ZNF425: variants seen among roughly 807,000 people sequenced by gnomAD.
ZNF425 encodes the protein zinc finger protein 425.
Under a neutral mutation model 17.0 loss-of-function variants are expected in ZNF425, and 21 were observed. That is an observed-to-expected ratio of 1.23 (90% confidence interval 0.88 to 1.78). The LOEUF (loss-of-function observed/expected upper bound fraction) is 1.78. Ranked by LOEUF, ZNF425 falls within the 40% of genes most tolerant of loss-of-function variation. ZNF425 has a pLI of 0.00. For synonymous variants in ZNF425, 433 were observed against 384.1 expected, an observed-to-expected ratio of 1.13 and a Z score of -1.49; for missense variants, 868 against 967.3, an observed-to-expected ratio of 0.90 and a Z score of 1.36.
At chr7:149,123,827 C>G (rs1422205330) in intron 1 of ZNF425, among the ~76,000 whole-genome samples, 1 of 146,986 alleles carries the variant, frequency 6.8e-6, no homozygotes, top group Non-Finnish European at 1.5e-5. Context: ...CCACTGCGCC[C>G]GGACTTGCTT....
At chr7:149,114,612 C>T (rs115305753) in intron 2 of ZNF425, among the ~76,000 whole-genome samples, 6,844 of 151,194 alleles carry the variant, frequency 0.045, 519 homozygotes, top group African/African-American at 0.16. Context: ...TTGGCCAGGC[C>T]GGTCTCGAAT....
intron 3 of ZNF425, among the ~76,000 whole-genome samples, chr7:149,107,377 G>A (rs1005105063): frequency 1.3e-5 from 2 of 149,016 alleles, no homozygotes; most frequent in South Asian, 2.1e-4. Flanking sequence ...TAGCTCTGTC[G>A]CCCAGGCTGG....
chr7:149,107,341 A>AT (rs1318108441), intron 3 of ZNF425, among the ~76,000 whole-genome samples: 98 of 123,336 alleles, frequency 7.9e-4, no homozygotes, highest in African/African-American at 3.5e-3. Context: ...TTATTTATTT[A>AT]TTTATTTTTT....
At chr7:149,124,008 C>A (rs1235387759) in intron 1 of ZNF425, among the ~76,000 whole-genome samples, 2 of 150,888 alleles carry the variant, frequency 1.3e-5, no homozygotes, top group African/African-American at 4.9e-5. Flanking sequence ...CCACCACACC[C>A]GGCTAATTTT....
intron 2 of ZNF425, among the ~76,000 whole-genome samples, chr7:149,115,082 G>A (rs1826240115): frequency 6.8e-6 from 1 of 146,224 alleles, no homozygotes; most frequent in Non-Finnish European, 1.5e-5. Context: ...TTACAGACGT[G>A]TGCCACCACG....
intron 2 of ZNF425, among the ~76,000 whole-genome samples, chr7:149,117,797 C>G (rs921700073): frequency 1.3e-5 from 2 of 151,858 alleles, no homozygotes; most frequent in Non-Finnish European, 2.9e-5. Context: ...GGATTACAGG[C>G]ATGCACCAAC....
chr7:149,103,724 T>G lies in ZNF425; in HGVS notation c.2147A>C (p.His716Pro), dbSNP rs140499692. The G allele has an allele frequency of 1.2e-4, 196 of 1,614,070 alleles. 1 individual carries two copies. In the Admixed American group the frequency reaches 1.7e-3, roughly 14 times the overall value. The change falls in exon 4 of 4, where the codon CAC (histidine) becomes CCC (proline). Residue 716 changes from histidine (H) to proline (P), a missense_variant. By Grantham distance (77) the His-to-Pro change is moderately conservative (BLOSUM62 -2). Coordinates refer to ENST00000378061, the MANE Select transcript of ZNF425 (RefSeq NM_001001661.3). ...KRSLKAHLCL[H>P]SGERPFSCDE... Reference sequence around the variant, plus strand: ...ACAAGAAAAAGGCCTCTCCCCACTGTGAAGGCACAGATGGGCCTTCAGGCT... The same window carrying G: ...ACAAGAAAAAGGCCTCTCCCCACTGGGAAGGCACAGATGGGCCTTCAGGCT...
At chr7:149,120,875 G>A (rs1002634367) in intron 1 of ZNF425, among the ~76,000 whole-genome samples, 3 of 152,114 alleles carry the variant, frequency 2.0e-5, no homozygotes, top group African/African-American at 7.2e-5. Flanking sequence ...TTCACCTACT[G>A]AGAAATATTT....
intron 3 of ZNF425, among the ~76,000 whole-genome samples, chr7:149,108,749 G>A (rs1362454721): frequency 1.3e-5 from 2 of 152,072 alleles, no homozygotes; most frequent in South Asian, 2.1e-4. Flanking sequence ...AAAATTAGCC[G>A]GGCATGGTGG....
At chr7:149,124,753 C>G (rs1826427001) in intron 1 of ZNF425, among the ~76,000 whole-genome samples, 2 of 151,310 alleles carry the variant, frequency 1.3e-5, no homozygotes, top group South Asian at 2.1e-4. Flanking sequence ...GTTGGTCAGG[C>G]TGGTCTCGAA....
chr7:149,105,511 T>C lies in ZNF425; in HGVS notation c.360A>G (p.Gln120=). The change falls in exon 4 of 4, where the codon CAA becomes CAG. Residue 120 remains glutamine (Q), a synonymous_variant. Transcript: ENST00000378061. The stretch of plus-strand genomic sequence containing the variant: ...GTAAGGCAGCACACAAGTCCTGTTT[T>C]TGAGGACCATTTAAACGGCAATCCT... ...KEEDCRLNGP[Q]KQDLCAALRG... 1 of 1,517,988 alleles carries C rather than the reference T, an allele frequency of 6.6e-7. No individual in the cohort carries two copies. Among genetic ancestry groups the C allele is most frequent in the Non-Finnish European group, 8.8e-7 (1 of 1,136,622 alleles). The allele number at this position is 1,517,988 out of a possible 1,614,324, so 94.0% of individuals were successfully genotyped here.
chr7:149,106,406 G>C (rs1826082886), intron 3 of ZNF425, among the ~76,000 whole-genome samples: 1 of 150,516 alleles, frequency 6.6e-6, no homozygotes, highest in Non-Finnish European at 1.5e-5. Flanking sequence ...CCCAGCTAAT[G>C]TTTTGTATTT....
At chr7:149,110,432 T>G (rs200176840) in intron 3 of ZNF425, among the ~76,000 whole-genome samples, 1 of 151,438 alleles carries the variant, frequency 6.6e-6, no homozygotes, top group Non-Finnish European at 1.5e-5. Context: ...CAGGCGTGGT[T>G]GTGGGTGCCT....
Position 149,105,527 on chromosome 7 carries a change from C to A in ZNF425, c.344G>T (p.Arg115Leu). 2 of 1,515,632 alleles carry A rather than the reference C, an allele frequency of 1.3e-6. No homozygotes were observed. The highest frequency in any genetic ancestry group is 8.8e-7 in the Non-Finnish European group (1 of 1,135,770). 93.9% of individuals were successfully genotyped at this position (1,515,632 alleles called of 1,614,324 possible). A position where few individuals can be genotyped will look rare whatever the true frequency, so the allele number is the denominator to read the frequency against. The change falls in exon 4 of 4, where the codon CGT becomes CTT. Residue 115 changes from arginine (R) to leucine (L), a missense_variant. Arg to Leu is a moderately radical substitution (Grantham distance 102). Transcript: ENST00000378061. ...GTPRTKEEDC[R>L]LNGPQKQDLC... Reference sequence around the variant, plus strand: ...GTCCTGTTTTTGAGGACCATTTAAACGGCAATCCTCTTCTTTTGTCCTGGG... The same window carrying A: ...GTCCTGTTTTTGAGGACCATTTAAAAGGCAATCCTCTTCTTTTGTCCTGGG...
chr7:149,125,984 G>A lies in ZNF425; in HGVS notation c.18+212C>T, dbSNP rs1175020921. 3.7e-6 allele frequency: 4 copies of A among 1,077,500 alleles called. No homozygotes were observed. In the East Asian group the frequency reaches 1.0e-4, roughly 28 times the overall value. 66.7% of individuals were successfully genotyped at this position (1,077,500 alleles called of 1,614,324 possible). Reference sequence around the variant, plus strand: ...GCCACAGACGCGCGCGGCCAAGCCCGGCCAGACCAGCTTTTCCCCAGGTCA... The same window carrying A: ...GCCACAGACGCGCGCGGCCAAGCCCAGCCAGACCAGCTTTTCCCCAGGTCA... On this transcript the variant is annotated intron_variant, in intron 1 of 3. Transcript: ENST00000378061.
intron 1 of ZNF425, among the ~76,000 whole-genome samples, chr7:149,124,698 T>C (rs1158779911): frequency 1.3e-5 from 2 of 152,108 alleles, no homozygotes; most frequent in Admixed American, 6.6e-5. Flanking sequence ...TGCACCACCA[T>C]GCCAGGCTAA....
chr7:149,126,125 C>T lies in ZNF425; in HGVS notation c.18+71G>A, dbSNP rs963368837. 1.9e-6 allele frequency: 3 copies of T among 1,608,002 alleles called. No homozygotes were observed. In the African/African-American group the frequency reaches 4.0e-5, roughly 22 times the overall value. On this transcript the variant is annotated intron_variant, in intron 1 of 3. Transcript: ENST00000378061. ...CCCCGGCCGCCCCACTCCCTGGACG[C>T]GGACCCCAATCCAGCTGCGACAGGG...
Position 149,104,026 on chromosome 7 carries a change from G to A in ZNF425, c.1845C>T (p.Cys615=), listed in dbSNP as rs754295618. Reference sequence around the variant, plus strand: ...TTCCCTTGAGGCGGAAAGTCTTCTCGCATTCAGGACACTGGTAGGGCTTCT... The same window carrying A: ...TTCCCTTGAGGCGGAAAGTCTTCTCACATTCAGGACACTGGTAGGGCTTCT... ...SGEKPYQCPE[C]EKTFRLKGNL... The change falls in exon 4 of 4, where the codon TGC becomes TGT. Residue 615 remains cysteine, a synonymous_variant. Transcript: ENST00000378061. This position sits in a 1 kb window ranked among gnomAD's most constrained non-coding sequence, Gnocchi z 4.3. The A allele has an allele frequency of 6.2e-6, 10 of 1,613,482 alleles. No homozygotes were observed. The highest frequency in any genetic ancestry group is 4.4e-5 in the South Asian group (4 of 91,054).
At position 149,104,392 on chromosome 7, in the gene ZNF425, G is replaced by A; in HGVS notation, c.1479C>T (p.Asp493=). ...SKLACHTRVH[D]RQKEFPCGEC... is the part of the protein sequence containing the mutation. ...CGCCGCAGGGAAACTCCTTCTGCCT[G>A]TCGTGGACTCTGGTGTGGCAGGCGA... Residue 493 remains aspartate, a synonymous_variant, in exon 4 of 4, where the codon GAC becomes GAT. Coordinates refer to ENST00000378061, the MANE Select transcript of ZNF425 (RefSeq NM_001001661.3). The surrounding 1 kb of genome is among the most constrained non-coding windows in gnomAD (Gnocchi z 4.3). 1.2e-6 allele frequency: 2 copies of A among 1,608,838 alleles called. No homozygotes were observed. Among genetic ancestry groups the A allele is most frequent in the Non-Finnish European group, 1.7e-6 (2 of 1,177,402 alleles).
Sources: allele counts gnomAD v4.1 joint callset (sites outside exome capture counted in the v4.1 genomes callset), GRCh38; gene constraint gnomAD v4.1.1; non-coding constraint Gnocchi (gnomAD v3.1); transcripts MANE v1.5; gene names NCBI Gene and HGNC (gene_info 2026-07-23, HGNC 2026-07-21).